CFAP73: variants seen among roughly 807,000 people sequenced by gnomAD.
The protein encoded by CFAP73 is cilia- and flagella-associated protein 73.
CFAP73 carries 33 observed loss-of-function variants against 42.9 expected under a neutral mutation model. The ratio of observed to expected loss-of-function variants is 0.77; its 90% CI spans 0.58 to 1.03. CFAP73 has a LOEUF of 1.03. CFAP73 is among the 50% of genes least tolerant of loss of function. CFAP73 has a pLI of 0.00. For missense variants in CFAP73, 392 were observed against 411.9 expected (o/e 0.95, Z 0.42); for synonymous variants, 162 against 186.8 (o/e 0.87, Z 1.08).
Position 113,153,191 on chromosome 12 carries a change from C to T in CFAP73, c.268-17C>T. 6.7e-7 allele frequency: 1 copy of T among 1,500,380 alleles called. No individual in the cohort carries two copies. Among genetic ancestry groups the T allele is most frequent in the Non-Finnish European group, 8.8e-7 (1 of 1,131,164 alleles). The allele number at this position is 1,500,380 out of a possible 1,614,324, so 92.9% of individuals were successfully genotyped here. On this transcript the variant is annotated splice_polypyrimidine_tract_variant and intron_variant, in intron 3 of 7. Transcript: ENST00000335621. ...CCTGAGTCCTGAAGGTCGTCTTCTC[C>T]CCACCGTACTCCCCAGGACTCCGAG...
At chr12:113,153,120 G>A in intron 3 of CFAP73, 88 bp from the exon 4 acceptor site, 1 of 1,359,034 alleles carries the variant, frequency 7.4e-7, no homozygotes, top group Non-Finnish European at 9.7e-7. Flanking sequence ...CTGGTTTTGC[G>A]AGCGAATGTC....
Position 113,158,994 on chromosome 12 carries a change from C to G in CFAP73, c.*305C>G. 6.2e-7 allele frequency: 1 copy of G among 1,611,704 alleles called. No homozygotes were observed. Among genetic ancestry groups the G allele is most frequent in the Non-Finnish European group, 8.5e-7 (1 of 1,179,260 alleles). The stretch of plus-strand genomic sequence containing the variant: ...CAGAGAGCTGCTTGAGGCCACCACG[C>G]TGCAGGAAGTGCAGCTTCTGGGCCC... On this transcript the variant is annotated 3_prime_UTR_variant, in exon 8 of 8. Coordinates refer to ENST00000335621, the MANE Select transcript of CFAP73 (RefSeq NM_001144872.3). The surrounding 1 kb of genome is among the most constrained non-coding windows in gnomAD (Gnocchi z 4.9).
In CFAP73 at chr12:113,158,530, T is replaced by C. The variant is rs769454189; in HGVS notation, c.*12-171T>C. The C allele has an allele frequency of 9.2e-5, 21 of 227,960 alleles. No individual in the cohort carries two copies. Among genetic ancestry groups the C allele is most frequent in the East Asian group, 7.2e-4 (8 of 11,092 alleles). The allele number at this position is 227,960 out of a possible 1,614,324, so 14.1% of individuals were successfully genotyped here. On this transcript the variant is annotated intron_variant, in intron 7 of 7. Coordinates refer to ENST00000335621, the MANE Select transcript of CFAP73 (RefSeq NM_001144872.3). This position sits in a 1 kb window ranked among gnomAD's most constrained non-coding sequence, Gnocchi z 4.9. ...AAGATTTATTACATTAAAAATTCCA[T>C]TGCCAAACCCTGAGGCACTCAGGGC... is the stretch of plus-strand genomic sequence containing the variant.
At position 113,153,331 on chromosome 12, in the gene CFAP73, G is replaced by A. The variant is rs1364618865; in HGVS notation, c.391G>A (p.Ala131Thr). Residue 131 changes from alanine (A) to threonine (T), a missense_variant, in exon 4 of 8, where the codon GCG becomes ACG. Transcript: ENST00000335621. The part of the protein sequence containing the change: ...TQLQELRREH[A>T]RLQRRLKRLE... The stretch of plus-strand genomic sequence containing the variant: ...GCTCCAGGAGCTACGGCGGGAACAC[G>A]CGCGGCTGCAGCGCCGGCTTAAGCG... The A allele has an allele frequency of 1.3e-5, 19 of 1,515,380 alleles. No homozygotes were observed. Among genetic ancestry groups the A allele is most frequent in the Admixed American group, 2.0e-5 (1 of 48,980 alleles). 93.9% of individuals were successfully genotyped at this position (1,515,380 alleles called of 1,614,324 possible). A position where few individuals can be genotyped will look rare whatever the true frequency, so the allele number is the denominator to read the frequency against.
In CFAP73 at chr12:113,158,904, C is replaced by T. The variant is rs374031625; in HGVS notation, c.*215C>T. ...ACATCCTCTTCCGCATCTTGCCCTT[C>T]TTGGAGCGGGCACCCCGGCCGAAGG... On this transcript the variant is annotated 3_prime_UTR_variant, in exon 8 of 8. Transcript: ENST00000335621. This position sits in a 1 kb window ranked among gnomAD's most constrained non-coding sequence, Gnocchi z 4.9. The T allele has an allele frequency of 4.4e-6, 7 of 1,606,720 alleles. No individual in the cohort carries two copies. The highest frequency in any genetic ancestry group is 2.7e-5 in the African/African-American group (2 of 74,804).
intron 6 of CFAP73, among the ~76,000 whole-genome samples, chr12:113,156,565 C>T (rs926474554): frequency 6.6e-6 from 1 of 152,044 alleles, no homozygotes; most frequent in Non-Finnish European, 1.5e-5. Context: ...TTTCCCCAAC[C>T]GATTCCCATT....
intron 4 of CFAP73, among the ~76,000 whole-genome samples, chr12:113,153,801 A>G (rs1434893196): frequency 6.6e-6 from 1 of 151,704 alleles, no homozygotes; most frequent in African/African-American, 2.4e-5. Context: ...TGGTTTCTCT[A>G]TGTTGCCCAG....
chr12:113,154,557 C>T lies in CFAP73; in HGVS notation c.612C>T (p.Asp204=), dbSNP rs1952098934. 2 of 1,462,922 alleles carry T rather than the reference C, an allele frequency of 1.4e-6. No homozygotes were observed. Among genetic ancestry groups the T allele is most frequent in the Non-Finnish European group, 8.9e-7 (1 of 1,117,892 alleles). The allele number at this position is 1,462,922 out of a possible 1,614,324, so 90.6% of individuals were successfully genotyped here. A position where few individuals can be genotyped will look rare whatever the true frequency, so the allele number is the denominator to read the frequency against. The change falls in exon 5 of 8, where the codon GAC becomes GAT. Residue 204 remains aspartate, a synonymous_variant. Coordinates refer to ENST00000335621, the MANE Select transcript of CFAP73 (RefSeq NM_001144872.3). The surrounding 1 kb of genome is among the most constrained non-coding windows in gnomAD (Gnocchi z 4.7). The part of the protein sequence containing the change: ...RLQQLRDAWP[D]EVLAQGQRRA... ...AGCAGCTGCGGGACGCCTGGCCGGACGAGGTGCTCGCACAGGGCCAGCGGC... is the reference window on the plus strand; with the variant it reads ...AGCAGCTGCGGGACGCCTGGCCGGATGAGGTGCTCGCACAGGGCCAGCGGC...
chr12:113,153,101 T>A, intron 3 of CFAP73, 107 bp from the exon 4 acceptor site: 1 of 1,252,398 alleles, frequency 8.0e-7, no homozygotes, highest in South Asian at 1.6e-5. Context: ...CCAGGCCTGC[T>A]GGCCGCCCCT....
intron 1 of CFAP73, among the ~76,000 whole-genome samples, chr12:113,151,189 A>T (rs1189840039): frequency 6.6e-6 from 1 of 152,158 alleles, no homozygotes; most frequent in Non-Finnish European, 1.5e-5. Flanking sequence ...TGTTCAATGA[A>T]TAAAGAATTC....
intron 4 of CFAP73, among the ~76,000 whole-genome samples, chr12:113,153,988 T>G (rs1231450810): frequency 6.6e-6 from 1 of 151,168 alleles, no homozygotes; most frequent in African/African-American, 2.4e-5. Flanking sequence ...AACTGAAGAT[T>G]CAGAAAGCTA....
chr12:113,158,779 G>T lies in CFAP73; in HGVS notation c.*90G>T. On this transcript the variant is annotated 3_prime_UTR_variant, in exon 8 of 8. Coordinates refer to ENST00000335621, the MANE Select transcript of CFAP73 (RefSeq NM_001144872.3). This position sits in a 1 kb window ranked among gnomAD's most constrained non-coding sequence, Gnocchi z 4.9. ...ATGGCTCCTGCAGGGAGTGCCCCCA[G>T]TGCCCAGCACAGGGCCAGGCACACA... The T allele has an allele frequency of 3.0e-6, 4 of 1,342,800 alleles. No individual in the cohort carries two copies. Among genetic ancestry groups the T allele is most frequent in the Non-Finnish European group, 3.0e-6 (3 of 994,860 alleles). The allele number at this position is 1,342,800 out of a possible 1,614,324, so 83.2% of individuals were successfully genotyped here. A position where few individuals can be genotyped will look rare whatever the true frequency, so the allele number is the denominator to read the frequency against.
intron 4 of CFAP73, among the ~76,000 whole-genome samples, chr12:113,153,738 G>T (rs953942613): frequency 6.6e-6 from 1 of 151,956 alleles, no homozygotes; most frequent in Non-Finnish European, 1.5e-5. Context: ...GACCACAGGC[G>T]CACGCCACCA....
At position 113,150,562 on chromosome 12, in the gene CFAP73, C is replaced by T. The variant is rs375293839; in HGVS notation, c.56+649C>T. On this transcript the variant is annotated intron_variant, in intron 1 of 7. Coordinates refer to ENST00000335621, the MANE Select transcript of CFAP73 (RefSeq NM_001144872.3). ...CACCTCTGACCCCTTTCTCACTCCC[C>T]TCCCCACTCCATCAGTTCTGCTCTC... Among the ~76,000 whole-genome samples the T allele has an allele frequency of 5.9e-5, 9 of 152,112 alleles. No individual in the cohort carries two copies. In the East Asian group the frequency reaches 1.2e-3, roughly 20 times the overall value.
rs778837604 is a variant in CFAP73, at chr12:113,154,023, C to T, written c.469-391C>T. 1.3e-5 allele frequency among the ~76,000 whole-genome samples: 2 copies of T among 151,856 alleles called. No individual in the cohort carries two copies. Among genetic ancestry groups the T allele is most frequent in the Non-Finnish European group, 2.9e-5 (2 of 67,960 alleles). ...AACTCTGGCCGGGCGCGGTGGCTCA[C>T]GCCTGTAATCCCAACACTTTGGGGG... On this transcript the variant is annotated intron_variant, in intron 4 of 7. Coordinates refer to ENST00000335621, the MANE Select transcript of CFAP73 (RefSeq NM_001144872.3). This position sits in a 1 kb window ranked among gnomAD's most constrained non-coding sequence, Gnocchi z 4.7.
Position 113,158,718 on chromosome 12 carries a change from C to T in CFAP73, c.*29C>T, listed in dbSNP as rs1952166622. 2.6e-6 allele frequency: 2 copies of T among 777,458 alleles called. No homozygotes were observed. Among genetic ancestry groups the T allele is most frequent in the South Asian group, 2.1e-5 (1 of 46,532 alleles). 48.2% of individuals were successfully genotyped at this position (777,458 alleles called of 1,614,324 possible). ...TGTCTTAGGCTGACGCAGCTGCTGC[C>T]CTTCTGTGGCCATACAGTGCTCCTT... On this transcript the variant is annotated 3_prime_UTR_variant, in exon 8 of 8. Transcript: ENST00000335621. This position sits in a 1 kb window ranked among gnomAD's most constrained non-coding sequence, Gnocchi z 4.9.
At chr12:113,152,992 CA>C in intron 3 of CFAP73, 105 bp downstream of exon 3, 1 of 845,286 alleles carries the variant, frequency 1.2e-6, no homozygotes. Context: ...TTTCGTCATG[CA>C]AAAGGAAACG....
At chr12:113,150,026 G>A (rs1226685213) in intron 1 of CFAP73, 113 bp downstream of exon 1, 4 of 975,384 alleles carry the variant, frequency 4.1e-6, no homozygotes, top group Non-Finnish European at 6.3e-6. Context: ...CATAGTGGGG[G>A]TTATTGTCCC....
At chr12:113,157,714 CTGAGA>C (rs1006899135) in intron 7 of CFAP73, 24 bp downstream of exon 7, 10 of 1,450,662 alleles carry the variant, frequency 6.9e-6, no homozygotes, top group Non-Finnish European at 9.4e-6. Flanking sequence ...GAGGGAACCC[CTGAGA>C]GACCCTGAGA....
Sources: allele counts gnomAD v4.1 joint callset (sites outside exome capture counted in the v4.1 genomes callset), GRCh38; gene constraint gnomAD v4.1.1; non-coding constraint Gnocchi (gnomAD v3.1); transcripts MANE v1.5; gene names NCBI Gene and HGNC (gene_info 2026-07-23, HGNC 2026-07-21).